The following PLXNA4 variants were observed in gnomAD, a reference collection of about 807,000 sequenced individuals.
PLXNA4 encodes plexin-A4.
In PLXNA4, 44 loss-of-function variants were observed where a neutral mutation model predicts 191.8. The ratio of observed to expected loss-of-function variants is 0.23; its 90% confidence interval spans 0.18 to 0.29. The LOEUF is 0.29. Among genes scored for constraint, PLXNA4 ranks in the 10% least tolerant of loss-of-function variants. PLXNA4 has a pLI of 1.00. For synonymous variants in PLXNA4, 1,082 were observed against 1,009.5 expected, an observed-to-expected ratio of 1.07 and a Z score of -1.36; for missense variants, 1,800 against 2,488.8, an observed-to-expected ratio of 0.72 and a Z score of 5.89.
chr7:132,593,210 G>T (rs957680939), intron 2 of PLXNA4, among the ~76,000 whole-genome samples: 1 of 152,226 alleles, frequency 6.6e-6, no homozygotes. Context: ...CGCAGCGTGG[G>T]CTGTTGTGGA....
chr7:132,351,582 C>T (rs756449397), intron 3 of PLXNA4, among the ~76,000 whole-genome samples: 38 of 152,196 alleles, frequency 2.5e-4, no homozygotes, highest in Non-Finnish European at 2.8e-4. Flanking sequence ...TCCAAAGGTG[C>T]ATGCCCAAGA....
chr7:132,452,208 A>G (rs547536232), intron 3 of PLXNA4, among the ~76,000 whole-genome samples: 1 of 152,360 alleles, frequency 6.6e-6, no homozygotes, highest in South Asian at 2.1e-4. Context: ...TTTATCTGTC[A>G]TCATCTCCCC....
At position 132,354,098 on chromosome 7, in the gene PLXNA4, C is replaced by G. The variant is rs572495275; in HGVS notation, c.1372-55876G>C. Among the ~76,000 whole-genome samples, 52 of 152,298 alleles carry G rather than the reference C, an allele frequency of 3.4e-4. 1 individual carries two copies. The highest frequency in any genetic ancestry group is 1.2e-3 in the African/African-American group (51 of 41,550). On this transcript the variant is annotated intron_variant, in intron 3 of 31. Coordinates refer to ENST00000321063, the MANE Select transcript of PLXNA4 (RefSeq NM_020911.2). ...CCCCAAGGGGACATCAAAGGAGCAA[C>G]TGTCCTGGCGGGTTTGGATTAATGG...
intron 3 of PLXNA4, among the ~76,000 whole-genome samples, chr7:132,389,799 C>T (rs962205444): frequency 1.3e-5 from 2 of 151,980 alleles, no homozygotes; most frequent in African/African-American, 4.8e-5. Flanking sequence ...TTTTCCAATT[C>T]TGTGAAGAAA....
chr7:132,511,036 GAGTTTGGA>G (rs1248697859), intron 1 of PLXNA4, among the ~76,000 whole-genome samples: 2 of 61,042 alleles, frequency 3.3e-5, no homozygotes, highest in African/African-American at 1.6e-4. Flanking sequence ...TGCAGAAGGA[GAGTTTGGA>G]GCTGAGGGTC....
chr7:132,535,958 C>G (rs1799814969), intron 1 of PLXNA4, among the ~76,000 whole-genome samples: 1 of 152,180 alleles, frequency 6.6e-6, no homozygotes, highest in African/African-American at 2.4e-5. Flanking sequence ...ATTTTAAAGG[C>G]TGCAGCCCAG....
rs1252849984 is a variant in PLXNA4, at chr7:132,123,722, AG to A, written c.*6756del. On this transcript the variant is annotated 3_prime_UTR_variant, in exon 32 of 32. Transcript: ENST00000321063. ...GGTGGGAGCTTTAGTTTGAAACAGA[AG>A]TGGGATGGGGCTGGAAGGGGGTGAC... The A allele has an allele frequency of 5.9e-5, 9 of 152,286 alleles. No homozygotes were observed. Among genetic ancestry groups the A allele is most frequent in the African/African-American group, 1.9e-4 (8 of 41,542 alleles). 9.4% of individuals were successfully genotyped at this position (152,286 alleles called of 1,614,324 possible).
At chr7:132,334,095 T>C (rs946643803) in intron 3 of PLXNA4, among the ~76,000 whole-genome samples, 5 of 152,156 alleles carry the variant, frequency 3.3e-5, no homozygotes, top group African/African-American at 1.2e-4. Flanking sequence ...TGTAATCTCC[T>C]TAATGGAACT....
chr7:132,417,820 G>T (rs751223779), intron 3 of PLXNA4, among the ~76,000 whole-genome samples: 1 of 151,988 alleles, frequency 6.6e-6, no homozygotes. Context: ...TTCATCCCAG[G>T]AAAGCTGGTT....
chr7:132,290,153 C>T (rs1800832287), intron 4 of PLXNA4, among the ~76,000 whole-genome samples: 1 of 152,220 alleles, frequency 6.6e-6, no homozygotes, highest in Non-Finnish European at 1.5e-5. Flanking sequence ...AGCAGACCCA[C>T]TGTGAACAGG....
intron 3 of PLXNA4, among the ~76,000 whole-genome samples, chr7:132,402,287 G>A (rs1310705381): frequency 6.6e-6 from 1 of 152,188 alleles, no homozygotes; most frequent in Non-Finnish European, 1.5e-5. Flanking sequence ...TGACAACAGT[G>A]AGAAGTGACA....
chr7:132,228,934 T>C (rs773599808), intron 5 of PLXNA4, among the ~76,000 whole-genome samples: 3 of 152,198 alleles, frequency 2.0e-5, no homozygotes, highest in Non-Finnish European at 2.9e-5. Context: ...CTTCCAGCCA[T>C]GGCTCAAGAT....
intron 2 of PLXNA4, among the ~76,000 whole-genome samples, chr7:132,499,047 T>C (rs1412001113): frequency 6.6e-6 from 1 of 152,240 alleles, no homozygotes; most frequent in Non-Finnish European, 1.5e-5. Context: ...TGTCACTAAA[T>C]TGAGCAGTTT....
At chr7:132,465,753 G>A (rs1258600179) in intron 3 of PLXNA4, among the ~76,000 whole-genome samples, 3 of 152,160 alleles carry the variant, frequency 2.0e-5, no homozygotes, top group Admixed American at 6.5e-5. Flanking sequence ...AACTTGGAAG[G>A]GGAGACAGGA....
At position 132,164,306 on chromosome 7, in the gene PLXNA4, G is replaced by T; in HGVS notation, c.4354-18C>A. ...GCACACTCCTGGAGGTGAGAAGAACGTCATTAGGAGGAGCTCTTGGAACAC... is the reference window on the plus strand; with the variant it reads ...GCACACTCCTGGAGGTGAGAAGAACTTCATTAGGAGGAGCTCTTGGAACAC... On this transcript the variant is annotated intron_variant, in intron 23 of 31. Coordinates refer to ENST00000321063, the MANE Select transcript of PLXNA4 (RefSeq NM_020911.2). 1.9e-6 allele frequency: 3 copies of T among 1,612,710 alleles called. No homozygotes were observed. The highest frequency in any genetic ancestry group is 4.5e-5 in the East Asian group (2 of 44,810).
At chr7:132,151,204 AGAAG>A (rs919883194) in intron 25 of PLXNA4, among the ~76,000 whole-genome samples, 2 of 151,952 alleles carry the variant, frequency 1.3e-5, no homozygotes, top group Non-Finnish European at 2.9e-5. Context: ...AAAGAAGAAG[AGAAG>A]GAAGAAGACG....
Position 132,128,325 on chromosome 7 carries a change from C to G in PLXNA4, c.*2154G>C, listed in dbSNP as rs935505987. ...CCAATGCATTGTTTCCCATTTTCCTCTTCCCATTAGGTTGCTCATGTCTTT... is the reference window on the plus strand; with the variant it reads ...CCAATGCATTGTTTCCCATTTTCCTGTTCCCATTAGGTTGCTCATGTCTTT... On this transcript the variant is annotated 3_prime_UTR_variant, in exon 32 of 32. Coordinates refer to ENST00000321063, the MANE Select transcript of PLXNA4 (RefSeq NM_020911.2). 2.6e-5 allele frequency: 4 copies of G among 152,216 alleles called. No homozygotes were observed. Among genetic ancestry groups the G allele is most frequent in the African/African-American group, 7.2e-5 (3 of 41,428 alleles). 9.4% of individuals were successfully genotyped at this position (152,216 alleles called of 1,614,324 possible).
At chr7:132,626,526 G>A (rs1296496310) in intron 2 of PLXNA4, among the ~76,000 whole-genome samples, 2 of 152,088 alleles carry the variant, frequency 1.3e-5, no homozygotes, top group Non-Finnish European at 2.9e-5. Context: ...TCATGAGTGA[G>A]CCCTCGTGAG....
intron 4 of PLXNA4, among the ~76,000 whole-genome samples, chr7:132,281,600 T>C (rs1800479817): frequency 6.6e-6 from 1 of 152,222 alleles, no homozygotes. Context: ...CAAACATCTT[T>C]TCTCTCCCCA....
Sources: gnomAD v4.1 joint callset for allele counts (sites outside exome capture counted in the v4.1 genomes callset) on GRCh38, gnomAD v4.1.1 for gene constraint, MANE v1.5 for transcripts, NCBI Gene and HGNC (gene_info 2026-07-23, HGNC 2026-07-21) for gene names.